PDS5A: variants seen among roughly 807,000 people sequenced by gnomAD.
PDS5A encodes PDS5 cohesin associated factor A, also known as sister chromatid cohesion protein PDS5 homolog A.
A neutral mutation model predicts 167.1 loss-of-function variants in PDS5A; 42 were observed. That is an observed-to-expected ratio of 0.25 (90% CI 0.20 to 0.33). The LOEUF is 0.33. Among genes scored for constraint, PDS5A ranks in the 10% least tolerant of loss-of-function variants. PDS5A has a pLI of 1.00. For missense variants in PDS5A, 1,033 were observed against 1,605.9 expected, an observed-to-expected ratio of 0.64 and a Z score of 6.10; for synonymous variants, 553 against 554.6, an observed-to-expected ratio of 1.00 and a Z score of 0.04.
intron 2 of PDS5A, among the ~76,000 whole-genome samples, chr4:39,948,299 A>T (rs1415583558): frequency 6.7e-6 from 1 of 149,060 alleles, no homozygotes; most frequent in Non-Finnish European, 1.5e-5. Context: ...AATAGCCAAA[A>T]GGTGAATCAA....
intron 2 of PDS5A, chr4:39,974,236 G>A: frequency 1.8e-6 from 1 of 561,278 alleles, no homozygotes; most frequent in South Asian, 1.4e-5. Context: ...AATATGCCAG[G>A]TGCTATCCCC....
chr4:39,899,177 A>G lies in PDS5A; in HGVS notation c.1582-352T>C, dbSNP rs190315127. On this transcript the variant is annotated intron_variant, in intron 14 of 32. Coordinates refer to ENST00000303538, the MANE Select transcript of PDS5A (RefSeq NM_001100399.2). Reference sequence around the variant, plus strand: ...ATCATATCAGAATTACTATGAAACTACATGCCACAAAAAATTAACTAAAAA... The same window carrying G: ...ATCATATCAGAATTACTATGAAACTGCATGCCACAAAAAATTAACTAAAAA... Among the ~76,000 whole-genome samples the G allele has an allele frequency of 1.8e-3, 278 of 152,298 alleles. 1 individual carries two copies. Among genetic ancestry groups the G allele is most frequent in the Non-Finnish European group, 3.0e-3 (207 of 68,026 alleles).
In PDS5A at chr4:39,943,166, A is replaced by G. The variant is rs11737338; in HGVS notation, c.139-15002T>C. On this transcript the variant is annotated intron_variant, in intron 2 of 32. Transcript: ENST00000303538. Reference sequence around the variant, plus strand: ...CACACACACACACACACACACACACACACGCACGCACACATATATACATAT... The same window carrying G: ...CACACACACACACACACACACACACGCACGCACGCACACATATATACATAT... 1.9e-3 allele frequency among the ~76,000 whole-genome samples: 275 copies of G among 143,838 alleles called. 2 individuals are homozygous for G. The highest frequency in any genetic ancestry group is 3.8e-3 in the East Asian group (19 of 5,002). 94.4% of individuals were successfully genotyped at this position (143,838 alleles called of 152,430 possible). A position where few individuals can be genotyped will look rare whatever the true frequency, so the allele number is the denominator to read the frequency against.
At chr4:39,842,909 T>TTTTATATATATA (rs751901010) in intron 30 of PDS5A, among the ~76,000 whole-genome samples, 14 of 92,312 alleles carry the variant, frequency 1.5e-4, no homozygotes, top group East Asian at 7.7e-4. Context: ...TATCCTATTT[T>TTTTATATATATA]TATATATATA....
At chr4:39,915,635 C>CA (rs550852471) in intron 8 of PDS5A, among the ~76,000 whole-genome samples, 64 of 152,214 alleles carry the variant, frequency 4.2e-4, no homozygotes, top group Non-Finnish European at 6.0e-4. Flanking sequence ...GCTGGGATTA[C>CA]AGGTATGAGC....
At chr4:39,922,795 A>G in intron 5 of PDS5A, 47 bp from the exon 6 acceptor site, 1 of 1,368,282 alleles carries the variant, frequency 7.3e-7, no homozygotes, top group Non-Finnish European at 9.5e-7. Flanking sequence ...GAGGAAAAGA[A>G]GAGAATTCAA....
At chr4:39,960,566 A>T (rs1339287989) in intron 2 of PDS5A, among the ~76,000 whole-genome samples, 3 of 151,796 alleles carry the variant, frequency 2.0e-5, no homozygotes, top group Admixed American at 1.3e-4. Flanking sequence ...TTTTTTTAAG[A>T]GACAGGGTCT....
intron 17 of PDS5A, among the ~76,000 whole-genome samples, chr4:39,885,104 A>G (rs1021860143): frequency 1.3e-5 from 2 of 150,788 alleles, no homozygotes; most frequent in African/African-American, 2.4e-5. Context: ...TCTACTAAAA[A>G]TACAAAAAAT....
At chr4:39,896,557 A>G (rs1168096132) in intron 16 of PDS5A, among the ~76,000 whole-genome samples, 2 of 151,948 alleles carry the variant, frequency 1.3e-5, no homozygotes, top group African/African-American at 4.8e-5. Context: ...TCTTCAGCTC[A>G]GGAGTTCCAG....
rs147636297 is a variant in PDS5A at position 39,896,205 on chromosome 4, G to A, written c.1770+2184C>T. Among the ~76,000 whole-genome samples the A allele has an allele frequency of 5.1e-3, 776 of 151,700 alleles. 20 individuals are homozygous for A. Among genetic ancestry groups the A allele is most frequent in the East Asian group, 0.034 (177 of 5,136 alleles). ...CTACAGGTGTGCGCCACCATGTGCA[G>A]CTAGTTTTCTTTAATGTTTTGTAGA... On this transcript the variant is annotated intron_variant, in intron 16 of 32. Transcript: ENST00000303538.
intron 23 of PDS5A, among the ~76,000 whole-genome samples, chr4:39,865,642 T>C (rs1719377808): frequency 6.6e-6 from 1 of 152,206 alleles, no homozygotes; most frequent in Non-Finnish European, 1.5e-5. Flanking sequence ...TTTCATGCCT[T>C]AGCCTCCCCA....
chr4:39,901,269 T>TTA (rs1553898799), intron 13 of PDS5A, among the ~76,000 whole-genome samples: 1 of 131,278 alleles, frequency 7.6e-6, no homozygotes, highest in African/African-American at 2.6e-5. Context: ...TTTCTTTCTT[T>TTA]TTTTTTTTTT....
chr4:39,878,370 C>T (rs11733574), intron 18 of PDS5A, among the ~76,000 whole-genome samples: 48,398 of 151,882 alleles, frequency 0.32, 8,447 homozygotes, highest in Middle Eastern at 0.44. Context: ...CCGAAGCGGG[C>T]TGATCACAAG....
intron 2 of PDS5A, chr4:39,933,593 C>G (rs1726292884): frequency 6.6e-6 from 1 of 151,784 alleles, no homozygotes; most frequent in African/African-American, 2.4e-5. Flanking sequence ...TTAAAATAAA[C>G]TGTTTAAAAA....
chr4:39,957,803 A>G (rs888868160), intron 2 of PDS5A, among the ~76,000 whole-genome samples: 15 of 151,952 alleles, frequency 9.9e-5, no homozygotes, highest in East Asian at 3.9e-4. Context: ...AAAAAAAAAA[A>G]AAAGAAATGG....
intron 2 of PDS5A, among the ~76,000 whole-genome samples, chr4:39,947,074 C>G (rs1006842302): frequency 6.6e-6 from 1 of 152,024 alleles, no homozygotes; most frequent in Non-Finnish European, 1.5e-5. Flanking sequence ...AAGACCCTAT[C>G]TCTATTGAGA....
At position 39,916,492 on chromosome 4, in the gene PDS5A, T is replaced by C. The variant is rs772085073; in HGVS notation, c.876+556A>G. Reference sequence around the variant, plus strand: ...TACCATTTAATACCAACATGTATTATAAATCTCTAAGATAATACCATTTTT... The same window carrying C: ...TACCATTTAATACCAACATGTATTACAAATCTCTAAGATAATACCATTTTT... On this transcript the variant is annotated intron_variant, in intron 8 of 32. Coordinates refer to ENST00000303538, the MANE Select transcript of PDS5A (RefSeq NM_001100399.2). Among the ~76,000 whole-genome samples, 8 of 152,324 alleles carry C rather than the reference T, an allele frequency of 5.3e-5. No homozygotes were observed. In the South Asian group the frequency reaches 1.2e-3, roughly 24 times the overall value.
chr4:39,829,830 G>A (rs941437702), intron 32 of PDS5A, among the ~76,000 whole-genome samples: 4 of 150,312 alleles, frequency 2.7e-5, no homozygotes, highest in East Asian at 2.0e-4. Flanking sequence ...GGGTGCCTGT[G>A]GTCCCAGCTA....
chr4:39,936,116 G>A (rs989579534), intron 2 of PDS5A, among the ~76,000 whole-genome samples: 2 of 152,196 alleles, frequency 1.3e-5, no homozygotes, highest in African/African-American at 4.8e-5. Context: ...AGGGTGATAA[G>A]TTCACTTTAA....
Sources: allele counts gnomAD v4.1 joint callset (sites outside exome capture counted in the v4.1 genomes callset), GRCh38; gene constraint gnomAD v4.1.1; transcripts MANE v1.5; gene names NCBI Gene and HGNC (gene_info 2026-07-23, HGNC 2026-07-21).